The following PVT1 variants were observed in gnomAD, a reference collection of about 807,000 sequenced individuals.
PVT1 encodes the protein CXCR4/PVT1 fusion.
At chr8:127,869,931 G>C (rs1365311815) in intron 2 of PVT1, among the ~76,000 whole-genome samples, 1 of 152,142 alleles carries the variant, frequency 6.6e-6, no homozygotes, top group Non-Finnish European at 1.5e-5. Flanking sequence ...AGCCGTCCGA[G>C]TAGCTGAGAT....
chr8:128,000,368 C>T (rs60761694), intron 4 of PVT1, among the ~76,000 whole-genome samples: 9,034 of 152,284 alleles, frequency 0.059, 877 homozygotes, highest in African/African-American at 0.2. Flanking sequence ...GTCAGGAGGG[C>T]TTGGTGCAGA....
At chr8:128,093,635 T>C (rs1208022557) in intron 5 of PVT1, among the ~76,000 whole-genome samples, 1 of 152,122 alleles carries the variant, frequency 6.6e-6, no homozygotes, top group Non-Finnish European at 1.5e-5. Flanking sequence ...CTCAGGGCTC[T>C]GCACATTTTT....
At chr8:127,808,946 C>T (rs1429149189) in intron 2 of PVT1, among the ~76,000 whole-genome samples, 2 of 134,618 alleles carry the variant, frequency 1.5e-5, no homozygotes, top group South Asian at 2.5e-4. Flanking sequence ...AGGAAAATAG[C>T]TTGAACCCGG....
intron 4 of PVT1, among the ~76,000 whole-genome samples, chr8:128,024,175 T>C (rs1231442149): frequency 2.0e-5 from 3 of 152,192 alleles, no homozygotes; most frequent in African/African-American, 7.2e-5. Context: ...ATGAAGGAAT[T>C]GCACCTGTGA....
Position 127,956,917 on chromosome 8 carries a change from C to T in PVT1, n.783-32245C>T, listed in dbSNP as rs566898142. ...CATTTTTATTTTATCTTAAGAATGG[C>T]CTGTCATAGGCCTCATTATTATGGT... On this transcript the variant is annotated intron_variant and non_coding_transcript_variant, in intron 3 of 10. Transcript: ENST00000651587. Among the ~76,000 whole-genome samples, 5 of 152,250 alleles carry T rather than the reference C, an allele frequency of 3.3e-5. No individual in the cohort carries two copies. In the East Asian group the frequency reaches 9.6e-4, roughly 29 times the overall value.
At chr8:128,004,413 C>T (rs145444536) in intron 4 of PVT1, among the ~76,000 whole-genome samples, 2 of 152,268 alleles carry the variant, frequency 1.3e-5, no homozygotes, top group South Asian at 2.1e-4. Context: ...TACATTTGCT[C>T]ATCCTGGAGG....
intron 3 of PVT1, among the ~76,000 whole-genome samples, chr8:127,937,580 C>CAGAGAGAGAGAGAGAGAGAGAG (rs1554598547): frequency 1.9e-5 from 2 of 107,794 alleles, no homozygotes; most frequent in African/African-American, 7.4e-5. Context: ...CACACACACA[C>CAGAGAGAGAGAGAGAGAGAGAG]AGAGAGAGAG....
intron 3 of PVT1, among the ~76,000 whole-genome samples, chr8:127,937,568 C>CAG (rs1816291532): frequency 1.8e-5 from 2 of 109,040 alleles, no homozygotes; most frequent in African/African-American, 6.4e-5. Flanking sequence ...CACACACACA[C>CAG]ACACACACAC....
intron 4 of PVT1, among the ~76,000 whole-genome samples, chr8:128,033,751 T>C (rs1366437808): frequency 6.6e-6 from 1 of 152,200 alleles, no homozygotes; most frequent in Non-Finnish European, 1.5e-5. Flanking sequence ...CATTCCTCCT[T>C]GTGTAGTTGG....
At chr8:127,973,692 A>AC (rs1263952388) in intron 3 of PVT1, among the ~76,000 whole-genome samples, 1 of 151,370 alleles carries the variant, frequency 6.6e-6, no homozygotes, top group Non-Finnish European at 1.5e-5. Context: ...AAAAAAAAAA[A>AC]AGAAGGCCAA....
At chr8:127,808,731 C>T (rs2129655536) in intron 2 of PVT1, among the ~76,000 whole-genome samples, 1 of 152,042 alleles carries the variant, frequency 6.6e-6, no homozygotes, top group South Asian at 2.1e-4. Flanking sequence ...ATTTTGGAGA[C>T]AGAAAGGACT....
At chr8:128,084,678 A>G (rs1814234540) in intron 5 of PVT1, among the ~76,000 whole-genome samples, 2 of 152,260 alleles carry the variant, frequency 1.3e-5, no homozygotes, top group East Asian at 1.9e-4. Context: ...GAAATAAGGT[A>G]TAGCTGACAG....
At chr8:127,795,597 C>T (rs753121478) in intron 1 of PVT1, among the ~76,000 whole-genome samples, 1 of 152,140 alleles carries the variant, frequency 6.6e-6, no homozygotes, top group Non-Finnish European at 1.5e-5. Context: ...CTGTCTCTCG[C>T]CCACTCCACC....
intron 4 of PVT1, among the ~76,000 whole-genome samples, chr8:128,065,204 T>G (rs1813890428): frequency 6.9e-6 from 1 of 145,688 alleles, no homozygotes; most frequent in African/African-American, 2.5e-5. Context: ...TTTTTTATTT[T>G]TTTTTGAGAC....
At chr8:128,089,614 C>T (rs1450753825) in intron 5 of PVT1, among the ~76,000 whole-genome samples, 1 of 152,190 alleles carries the variant, frequency 6.6e-6, no homozygotes, top group East Asian at 1.9e-4. Context: ...CTGGAATTTG[C>T]AGGCCATGAG....
rs562685587 is a variant in PVT1, at chr8:127,831,297, T to TA, written n.372+35238dup. On this transcript the variant is annotated intron_variant and non_coding_transcript_variant, in intron 2 of 10. Transcript: ENST00000651587. Reference sequence around the variant, plus strand: ...GAGAGACCTTGTCTCTACAAAAAATTAAAAAAAAAAAAGAATGACTCCTAG... The same window carrying TA: ...GAGAGACCTTGTCTCTACAAAAAATTAAAAAAAAAAAAAGAATGACTCCTAG... Among the ~76,000 whole-genome samples the TA allele has an allele frequency of 2.3e-3, 328 of 140,930 alleles. 3 individuals are homozygous for TA. The South Asian group carries it at 0.037, about 16-fold the overall frequency. The allele number at this position is 140,930 out of a possible 152,430, so 92.5% of individuals were successfully genotyped here.
intron 3 of PVT1, among the ~76,000 whole-genome samples, chr8:127,970,990 ATTC>A (rs1193400899): frequency 6.6e-6 from 1 of 152,222 alleles, no homozygotes; most frequent in Admixed American, 6.5e-5. Flanking sequence ...AGCCATGTCA[ATTC>A]TTCTATGTGC....
intron 5 of PVT1, among the ~76,000 whole-genome samples, chr8:128,094,830 A>G (rs1315056112): frequency 1.3e-5 from 2 of 152,188 alleles, no homozygotes; most frequent in Non-Finnish European, 2.9e-5. Flanking sequence ...AAAACAGCAG[A>G]GCTGTGTTTG....
At chr8:128,032,801 A>G (rs530397903) in intron 4 of PVT1, among the ~76,000 whole-genome samples, 1 of 152,284 alleles carries the variant, frequency 6.6e-6, no homozygotes, top group South Asian at 2.1e-4. Context: ...CCAGCAGACT[A>G]GCTGGGGGAA....
Sources: allele counts gnomAD v4.1 joint callset (sites outside exome capture counted in the v4.1 genomes callset), GRCh38; gene constraint gnomAD v4.1.1; transcripts MANE v1.5; gene names NCBI Gene and HGNC (gene_info 2026-07-23, HGNC 2026-07-21).